The following REDIC1 variants were observed in gnomAD, a reference collection of about 807,000 sequenced individuals.
REDIC1 encodes the protein HEI10 Interacting Protein 1.
At chr12:39,646,785 G>T in the REDIC1 span, 2 of 1,193,210 alleles carry the variant, frequency 1.7e-6, no homozygotes, top group South Asian at 1.4e-5. Context: ...TATAGGAAAG[G>T]ACAGTCGATT....
At chr12:39,650,166 T>G in the REDIC1 span, 43 of 1,321,102 alleles carry the variant, frequency 3.3e-5, no homozygotes, top group Non-Finnish European at 3.9e-6. The surrounding 1 kb of genome is among the most constrained non-coding windows in gnomAD (Gnocchi z 4.3). Context: ...ACATGACATT[T>G]TATGGTAAAT....
the REDIC1 span, among the ~76,000 whole-genome samples, chr12:39,730,197 CATT>C: frequency 6.6e-6 from 1 of 152,180 alleles, no homozygotes; most frequent in Non-Finnish European, 1.5e-5. Flanking sequence ...TTGATCCTGT[CATT>C]ATGATGTCAG....
the REDIC1 span, chr12:39,716,719 A>G: frequency 7.7e-6 from 11 of 1,434,854 alleles, no homozygotes; most frequent in African/African-American, 1.4e-4. Context: ...GATTATTCAT[A>G]AATACCATTA....
the REDIC1 span, among the ~76,000 whole-genome samples, chr12:39,899,785 G>A: frequency 6.6e-6 from 1 of 152,078 alleles, no homozygotes; most frequent in South Asian, 2.1e-4. Flanking sequence ...ATGTAGTTGA[G>A]CAGTTTTGAG....
the REDIC1 span, chr12:39,640,877 T>A: frequency 1.0e-6 from 1 of 970,208 alleles, no homozygotes. Flanking sequence ...CTCTAAATCT[T>A]CAATTAAGCT....
At chr12:39,796,904 G>A in the REDIC1 span, among the ~76,000 whole-genome samples, 1 of 152,124 alleles carries the variant, frequency 6.6e-6, no homozygotes, top group African/African-American at 2.4e-5. Context: ...ATTTCTAGAA[G>A]TGAAGCTGCT....
chr12:39,714,080 TACAC>T, the REDIC1 span, among the ~76,000 whole-genome samples: 6,165 of 22,512 alleles, frequency 0.27, 1,198 homozygotes, highest in Non-Finnish European at 0.37. Context: ...TACGTGTATA[TACAC>T]ATATATGTAC....
At chr12:39,893,599 C>T in the REDIC1 span, among the ~76,000 whole-genome samples, 1 of 152,148 alleles carries the variant, frequency 6.6e-6, no homozygotes, top group Non-Finnish European at 1.5e-5. Flanking sequence ...CCACGCCAGG[C>T]CTACCGCTCT....
chr12:39,714,739 T>G, the REDIC1 span, among the ~76,000 whole-genome samples: 2 of 151,734 alleles, frequency 1.3e-5, no homozygotes, highest in East Asian at 3.9e-4. Flanking sequence ...GTTTTTTTAT[T>G]TTTTGATATG....
chr12:39,870,395 C>T, the REDIC1 span, among the ~76,000 whole-genome samples: 5 of 152,248 alleles, frequency 3.3e-5, no homozygotes, highest in African/African-American at 2.4e-5. Flanking sequence ...TCTATCCTTT[C>T]GTTGAGAGTT....
the REDIC1 span, among the ~76,000 whole-genome samples, chr12:39,642,060 A>G: frequency 6.6e-6 from 1 of 151,610 alleles, no homozygotes; most frequent in East Asian, 1.9e-4. Flanking sequence ...CTTTTTAATG[A>G]CTGTTTTCAA....
chr12:39,890,897 A>G, the REDIC1 span, among the ~76,000 whole-genome samples: 3 of 152,180 alleles, frequency 2.0e-5, no homozygotes, highest in Non-Finnish European at 4.4e-5. Flanking sequence ...AAAACCTTAC[A>G]AAGTGGTACA....
chr12:39,760,155 T>C, the REDIC1 span: 4 of 1,612,984 alleles, frequency 2.5e-6, no homozygotes, highest in African/African-American at 1.3e-5. Context: ...CAAAGAGTGA[T>C]TCAATTTCCT....
the REDIC1 span, among the ~76,000 whole-genome samples, chr12:39,817,951 C>T: frequency 6.6e-6 from 1 of 152,166 alleles, no homozygotes; most frequent in Non-Finnish European, 1.5e-5. Flanking sequence ...TCTAGGTCTG[C>T]CCTGTTTTTC....
chr12:39,728,705 A>T, the REDIC1 span, among the ~76,000 whole-genome samples: 1 of 148,142 alleles, frequency 6.8e-6, no homozygotes, highest in Non-Finnish European at 1.5e-5. Context: ...TGTTTGGAGT[A>T]GTTTCAGAAG....
the REDIC1 span, chr12:39,683,146 TA>T: frequency 6.3e-7 from 1 of 1,575,298 alleles, no homozygotes; most frequent in Non-Finnish European, 8.6e-7. Flanking sequence ...AAAAGGTTGG[TA>T]TTGTACATGG....
the REDIC1 span, among the ~76,000 whole-genome samples, chr12:39,699,196 A>G: frequency 7.9e-5 from 12 of 152,340 alleles, no homozygotes; most frequent in Non-Finnish European, 1.6e-4. Context: ...TATTGGGTTC[A>G]TCTCACTAGG....
the REDIC1 span, chr12:39,758,137 T>C: frequency 3.3e-5 from 5 of 151,768 alleles, no homozygotes; most frequent in South Asian, 2.1e-4. Flanking sequence ...TGGAAATCAA[T>C]TGTTAAAGCA....
At chr12:39,772,196 C>T in the REDIC1 span, among the ~76,000 whole-genome samples, 1 of 152,138 alleles carries the variant, frequency 6.6e-6, no homozygotes, top group African/African-American at 2.4e-5. Context: ...GTCAAGAGCA[C>T]AGGGTCTAAT....
Sources: gnomAD v4.1 joint callset for allele counts (sites outside exome capture counted in the v4.1 genomes callset) on GRCh38, gnomAD v4.1.1 for gene constraint, Gnocchi (gnomAD v3.1) non-coding constraint, MANE v1.5 for transcripts, NCBI Gene and HGNC (gene_info 2026-07-23, HGNC 2026-07-21) for gene names.